NAALADL2: variants seen among roughly 807,000 people sequenced by gnomAD.
The protein encoded by NAALADL2 is N-acetylated alpha-linked acidic dipeptidase like 2.
In NAALADL2, 76 loss-of-function variants were observed where a neutral mutation model predicts 87.2. The observed-to-expected ratio is 0.87, with a 90% CI of 0.72 to 1.05. The LOEUF is 1.05. Among genes scored for constraint, NAALADL2 ranks in the 50% least tolerant of loss-of-function variants. NAALADL2 has a pLI of 0.00. For synonymous variants in NAALADL2, 354 were observed against 331.0 expected (o/e 1.07, Z -0.75); for missense variants, 1,089 against 945.8 (o/e 1.15, Z -1.99).
At chr3:175,760,467 C>T (rs899933716) in intron 13 of NAALADL2, among the ~76,000 whole-genome samples, 1 of 152,284 alleles carries the variant, frequency 6.6e-6, no homozygotes, top group East Asian at 1.9e-4. Flanking sequence ...CTTGGAAGTA[C>T]TGAACTTGGT....
chr3:174,826,309 AAG>A (rs1270362237), intron 3 of NAALADL2, among the ~76,000 whole-genome samples: 2 of 152,210 alleles, frequency 1.3e-5, no homozygotes, highest in Non-Finnish European at 2.9e-5. Flanking sequence ...AAACATCACT[AAG>A]AGCTAGAATG....
chr3:174,573,035 T>C (rs1715112777), intron 2 of NAALADL2, among the ~76,000 whole-genome samples: 1 of 152,174 alleles, frequency 6.6e-6, no homozygotes, highest in South Asian at 2.1e-4. Context: ...GGCTCCATAA[T>C]CTACTCTCTT....
intron 1 of NAALADL2, among the ~76,000 whole-genome samples, chr3:175,087,961 G>A (rs1389445008): frequency 6.7e-6 from 1 of 150,222 alleles, no homozygotes; most frequent in Admixed American, 6.6e-5. Flanking sequence ...TGCAAGTTAA[G>A]TTTTATACTT....
rs879131188 is a variant in NAALADL2 at position 175,755,068 on chromosome 3, CA to C, written c.1991-143del. ...ATATACCCTTGCTTTTGTCAAGTGA[CA>C]AAAAAAAAGAGAGAGAGAACTGTCA... On this transcript the variant is annotated intron_variant, in intron 12 of 13. Coordinates refer to ENST00000454872, the MANE Select transcript of NAALADL2 (RefSeq NM_207015.3). Among the ~76,000 whole-genome samples, 1,136 of 150,368 alleles carry C rather than the reference CA, an allele frequency of 7.6e-3. 21 individuals carry two copies. Among genetic ancestry groups the C allele is most frequent in the Non-Finnish European group, 8.4e-3 (565 of 67,464 alleles).
At chr3:174,783,684 G>T (rs1020396458) in intron 3 of NAALADL2, among the ~76,000 whole-genome samples, 3 of 151,982 alleles carry the variant, frequency 2.0e-5, no homozygotes, top group Admixed American at 2.0e-4. Flanking sequence ...TTCTTAAGCG[G>T]CCATATTTGT....
chr3:175,404,977 A>G (rs934928419), intron 5 of NAALADL2, among the ~76,000 whole-genome samples: 2 of 152,274 alleles, frequency 1.3e-5, no homozygotes, highest in African/African-American at 2.4e-5. Context: ...GGCAAATTAG[A>G]TGACTTGAAA....
At chr3:174,675,384 T>C (rs1296753665) in intron 2 of NAALADL2, among the ~76,000 whole-genome samples, 1 of 151,862 alleles carries the variant, frequency 6.6e-6, no homozygotes, top group Non-Finnish European at 1.5e-5. Context: ...GAAGAGAAAA[T>C]GTTAATTAGG....
At chr3:174,879,660 A>G (rs1401612713) in intron 1 of NAALADL2, among the ~76,000 whole-genome samples, 2 of 152,076 alleles carry the variant, frequency 1.3e-5, no homozygotes, top group East Asian at 3.8e-4. Context: ...CAGGTGAATG[A>G]GATATTCATA....
chr3:175,226,612 G>T (rs576071195), intron 2 of NAALADL2, among the ~76,000 whole-genome samples: 24 of 152,116 alleles, frequency 1.6e-4, no homozygotes, highest in African/African-American at 5.8e-4. Context: ...CTGTAAAGTG[G>T]CAACCATAGT....
At chr3:175,377,942 C>T (rs976618381) in intron 5 of NAALADL2, among the ~76,000 whole-genome samples, 21 of 152,164 alleles carry the variant, frequency 1.4e-4, no homozygotes, top group African/African-American at 3.4e-4. Flanking sequence ...CAATAAACCC[C>T]GCCCCCTGCA....
intron 4 of NAALADL2, among the ~76,000 whole-genome samples, chr3:175,302,848 ATGTG>A (rs139809783): frequency 0.18 from 26,596 of 148,792 alleles, 2,514 homozygotes; most frequent in African/African-American, 0.25. Context: ...ATGTGTGTGT[ATGTG>A]TGTGTGTGTG....
intron 3 of NAALADL2, among the ~76,000 whole-genome samples, chr3:174,812,551 A>G (rs2109300861): frequency 6.6e-6 from 1 of 152,306 alleles, no homozygotes; most frequent in South Asian, 2.1e-4. Flanking sequence ...TCTTCTACTT[A>G]TAAAAAATAA....
At chr3:174,777,734 A>G (rs1715388522) in intron 3 of NAALADL2, among the ~76,000 whole-genome samples, 1 of 152,120 alleles carries the variant, frequency 6.6e-6, no homozygotes, top group Admixed American at 6.6e-5. Context: ...GCCAACAGAT[A>G]TCTCAATTCT....
chr3:175,551,725 C>T lies in NAALADL2; in HGVS notation c.1654-24316C>T, dbSNP rs116597785. On this transcript the variant is annotated intron_variant, in intron 9 of 13. Transcript: ENST00000454872. The stretch of plus-strand genomic sequence containing the variant: ...CCATCCTGGCTAACACGGTGAACCC[C>T]GTCTACACTAAAAATTCAAAAAATT... Among the ~76,000 whole-genome samples the T allele has an allele frequency of 8.7e-3, 1,330 of 152,062 alleles. 24 individuals are homozygous for T. Among genetic ancestry groups the T allele is most frequent in the African/African-American group, 0.031 (1,277 of 41,484 alleles).
intron 1 of NAALADL2, among the ~76,000 whole-genome samples, chr3:174,952,132 C>T (rs1740458172): frequency 6.6e-6 from 1 of 152,114 alleles, no homozygotes; most frequent in Non-Finnish European, 1.5e-5. Flanking sequence ...ATCTCCAGAC[C>T]CGTCAGATCC....
chr3:174,693,847 A>G (rs1174577433), intron 2 of NAALADL2, among the ~76,000 whole-genome samples: 2 of 152,284 alleles, frequency 1.3e-5, no homozygotes, highest in African/African-American at 4.8e-5. Context: ...TTCTAGTCAC[A>G]GATCATTTAG....
chr3:175,359,469 A>G (rs1214474993), intron 5 of NAALADL2, among the ~76,000 whole-genome samples: 1 of 152,110 alleles, frequency 6.6e-6, no homozygotes, highest in Non-Finnish European at 1.5e-5. Context: ...TAATAACTAA[A>G]ATTCATTTCT....
intron 2 of NAALADL2, among the ~76,000 whole-genome samples, chr3:174,729,393 T>A (rs927456596): frequency 6.6e-6 from 1 of 152,032 alleles, no homozygotes; most frequent in Non-Finnish European, 1.5e-5. Flanking sequence ...AGCAACTTGC[T>A]CAAGGACACA....
intron 2 of NAALADL2, among the ~76,000 whole-genome samples, chr3:175,116,180 G>T (rs1211912880): frequency 2.6e-5 from 4 of 152,040 alleles, no homozygotes; most frequent in African/African-American, 9.7e-5. Context: ...CACAAGACAG[G>T]GATGCCCTCT....
Sources: gnomAD v4.1 joint callset for allele counts (sites outside exome capture counted in the v4.1 genomes callset) on GRCh38, gnomAD v4.1.1 for gene constraint, MANE v1.5 for transcripts, NCBI Gene and HGNC (gene_info 2026-07-23, HGNC 2026-07-21) for gene names.